Variants in SLA2 observed in about 807,000 individuals in gnomAD.
The protein encoded by SLA2 is Src like adaptor 2, also known as src-like-adapter 2.
Under a neutral mutation model 27.3 loss-of-function variants are expected in SLA2, and 22 were observed. That is an observed-to-expected ratio of 0.81 (90% CI 0.58 to 1.15). SLA2 has a LOEUF of 1.15. Among genes scored for constraint, SLA2 ranks in the 50% most tolerant of loss-of-function variants. The pLI, the probability that SLA2 is intolerant of heterozygous loss-of-function variation, is 0.00. For synonymous variants in SLA2, 131 were observed against 137.8 expected (o/e 0.95, Z 0.34); for missense variants, 304 against 322.2 (o/e 0.94, Z 0.43).
At chr20:36,614,706 G>A (rs2039186959) in intron 6 of SLA2, 1 of 985,332 alleles carries the variant, frequency 1.0e-6, no homozygotes, top group African/African-American at 1.7e-5. Context: ...GCTTTGGGAA[G>A]AAGAAAGCTA....
intron 2 of SLA2, among the ~76,000 whole-genome samples, chr20:36,636,674 G>A (rs1480458484): frequency 2.1e-5 from 3 of 144,740 alleles, no homozygotes; most frequent in Non-Finnish European, 4.5e-5. Context: ...CTGAGTGGCC[G>A]CAGTGGCTCA....
Position 36,614,419 on chromosome 20 carries a change from CAGA to C in SLA2, c.548_550del (p.Ile183_Cys184delinsSer), listed in dbSNP as rs1410761864. 6.2e-7 allele frequency: 1 copy of C among 1,610,534 alleles called. No homozygotes were observed. The highest frequency in any genetic ancestry group is 8.5e-7 in the Non-Finnish European group (1 of 1,178,234). On this transcript the variant is annotated inframe_deletion, in exon 7 of 8. Transcript: ENST00000262866. ...GACACAGGGCTCCTTGAGTAGGCAGCAGATGTCATCCGCCAGCTCTGAGGAAGA... is the reference window on the plus strand; with the variant it reads ...GACACAGGGCTCCTTGAGTAGGCAGCTGTCATCCGCCAGCTCTGAGGAAGA...
At chr20:36,614,905 C>T (rs1417401550) in intron 6 of SLA2, 1 of 985,210 alleles carries the variant, frequency 1.0e-6, no homozygotes, top group African/African-American at 1.7e-5. Context: ...GGATTGAATC[C>T]CACACAGCAG....
Position 36,646,084 on chromosome 20 carries a change from C to A in SLA2, c.-291G>T. 6.6e-6 allele frequency: 1 copy of A among 152,448 alleles called. No homozygotes were observed. Among genetic ancestry groups the A allele is most frequent in the Non-Finnish European group, 1.5e-5 (1 of 68,136 alleles). 9.4% of individuals were successfully genotyped at this position (152,448 alleles called of 1,614,324 possible). ...AGCTGCCCCATGCTCCTTAGGGATT[C>A]TGGACTGGGGAACCCTCCCAAGCAC... is the stretch of plus-strand genomic sequence containing the variant. On this transcript the variant is annotated 5_prime_UTR_variant, in exon 1 of 8. Transcript: ENST00000262866.
At chr20:36,642,544 CAGACATT>C in intron 1 of SLA2, among the ~76,000 whole-genome samples, 1 of 152,164 alleles carries the variant, frequency 6.6e-6, no homozygotes, top group South Asian at 2.1e-4. Flanking sequence ...GCTGGGATTA[CAGACATT>C]AGCCACCACA....
chr20:36,645,037 G>A (rs908007667), intron 1 of SLA2, among the ~76,000 whole-genome samples: 16 of 151,928 alleles, frequency 1.1e-4, no homozygotes, highest in African/African-American at 3.9e-4. Context: ...TTTCAGCAGT[G>A]GGGGTAAGAG....
chr20:36,621,068 ATGG>A (rs960457911), intron 5 of SLA2: 3 of 361,980 alleles, frequency 8.3e-6, no homozygotes, highest in African/African-American at 6.4e-5. Context: ...GGTGGTGGAG[ATGG>A]TGGCAGCAGA....
Position 36,645,869 on chromosome 20 carries a change from C to G in SLA2, c.-76G>C, listed in dbSNP as rs1476395704. 2 of 152,362 alleles carry G rather than the reference C, an allele frequency of 1.3e-5. No individual in the cohort carries two copies. The highest frequency in any genetic ancestry group is 2.9e-5 in the Non-Finnish European group (2 of 68,156). The allele number at this position is 152,362 out of a possible 1,614,324, so 9.4% of individuals were successfully genotyped here. ...TCATCAAAGGCTTGGGAAGACAGCT[C>G]TGCTGAGACGCATGCTCTGGCTGGA... is the stretch of plus-strand genomic sequence containing the variant. On this transcript the variant is annotated 5_prime_UTR_variant, in exon 1 of 8. Transcript: ENST00000262866.
Position 36,632,599 on chromosome 20 carries a change from C to G in SLA2, c.378G>C (p.Arg126Ser). 1 of 1,613,782 alleles carries G rather than the reference C, an allele frequency of 6.2e-7. No homozygotes were observed. The highest frequency in any genetic ancestry group is 8.5e-7 in the Non-Finnish European group (1 of 1,179,680). ...GAFLIRESQT[R>S]RGSYSLSVRL... ...GCTGGCACCGAGCTTACTCACCTCT[C>G]CTGGTCTGGCTCTCCCGGATGAGGA... Residue 126 changes from arginine to serine, a missense_variant, in exon 5 of 8, where the codon AGG becomes AGC. Coordinates refer to ENST00000262866, the MANE Select transcript of SLA2 (RefSeq NM_032214.4).
At chr20:36,636,834 C>G (rs373928564) in intron 2 of SLA2, among the ~76,000 whole-genome samples, 1 of 151,294 alleles carries the variant, frequency 6.6e-6, no homozygotes, top group African/African-American at 2.4e-5. Context: ...CCCTGTAATC[C>G]CAGCTACTTA....
intron 5 of SLA2, among the ~76,000 whole-genome samples, chr20:36,624,463 C>G (rs183894096): frequency 4.6e-5 from 7 of 152,294 alleles, no homozygotes; most frequent in African/African-American, 1.7e-4. Flanking sequence ...ACACTCTTTT[C>G]TTATTTGTTT....
chr20:36,627,819 C>T (rs1313440290), intron 5 of SLA2, among the ~76,000 whole-genome samples: 3 of 152,172 alleles, frequency 2.0e-5, no homozygotes, highest in African/African-American at 7.2e-5. Flanking sequence ...TGGGGTCTTC[C>T]TGCTCCGGAC....
chr20:36,641,449 G>A, intron 1 of SLA2, 71 bp from the exon 2 acceptor site: 1 of 838,854 alleles, frequency 1.2e-6, no homozygotes, highest in Non-Finnish European at 1.9e-6. Context: ...TCCCTCCCCA[G>A]ATCGGCCCTG....
chr20:36,636,623 A>AAAAAAAT (rs1387991352), intron 2 of SLA2, among the ~76,000 whole-genome samples: 17 of 114,684 alleles, frequency 1.5e-4, no homozygotes, highest in African/African-American at 5.6e-4. Context: ...AAAAAAAAAA[A>AAAAAAAT]ATATATATAT....
At chr20:36,616,500 A>AT (rs1294794436) in intron 5 of SLA2, among the ~76,000 whole-genome samples, 31 of 151,350 alleles carry the variant, frequency 2.0e-4, no homozygotes, top group Admixed American at 5.9e-4. Context: ...CGCCCGGCTA[A>AT]TTTTTTGTAT....
rs768316009 is a variant in SLA2 at position 36,632,680 on chromosome 20, C to T, written c.297G>A (p.Leu99=). 6.2e-7 allele frequency: 1 copy of T among 1,614,122 alleles called. No homozygotes were observed. Among genetic ancestry groups the T allele is most frequent in the Non-Finnish European group, 8.5e-7 (1 of 1,180,020 alleles). ...KVSHGWLYEG[L]SREKAEELLL... ...GCAGTTCCTCTGCTTTCTCCCTGCT[C>T]AGGCCCTCATACAGCCACCTGGCGG... Residue 99 remains leucine, a synonymous_variant, in exon 5 of 8, where the codon CTG becomes CTA. Coordinates refer to ENST00000262866, the MANE Select transcript of SLA2 (RefSeq NM_032214.4).
chr20:36,644,878 T>G (rs1255773024), intron 1 of SLA2, among the ~76,000 whole-genome samples: 2 of 149,818 alleles, frequency 1.3e-5, no homozygotes, highest in East Asian at 3.9e-4. Flanking sequence ...GTTTTTTTTT[T>G]TTTTTTTTTT....
intron 5 of SLA2, among the ~76,000 whole-genome samples, chr20:36,622,995 G>A (rs1226345853): frequency 1.3e-5 from 2 of 152,146 alleles, no homozygotes; most frequent in Non-Finnish European, 2.9e-5. Flanking sequence ...AAGGCTAGGT[G>A]CGGTGGCTCA....
intron 5 of SLA2, among the ~76,000 whole-genome samples, chr20:36,623,137 C>T (rs1041009921): frequency 1.3e-5 from 2 of 151,910 alleles, no homozygotes; most frequent in Admixed American, 6.6e-5. Context: ...GGCATGATGG[C>T]GTGTGCCTGT....
Sources: gnomAD v4.1 joint callset for allele counts (sites outside exome capture counted in the v4.1 genomes callset) on GRCh38, gnomAD v4.1.1 for gene constraint, MANE v1.5 for transcripts, NCBI Gene and HGNC (gene_info 2026-07-23, HGNC 2026-07-21) for gene names.